TTYH1: variants seen among roughly 807,000 people sequenced by gnomAD.
The protein encoded by TTYH1 is tweety family member 1, also known as protein tweety homolog 1.
A neutral mutation model predicts 61.2 loss-of-function variants in TTYH1; 33 were observed. The ratio of observed to expected loss-of-function variants is 0.54; its 90% CI spans 0.41 to 0.72. The LOEUF is 0.72. Ranked by LOEUF, TTYH1 falls within the 30% of genes least tolerant of loss-of-function variation. The probability of loss-of-function intolerance (pLI) is 0.00; values close to 1 mark genes in which losing one functional copy is unlikely to be tolerated. For synonymous variants in TTYH1, 308 were observed against 266.4 expected, an observed-to-expected ratio of 1.16 and a Z score of -1.52; for missense variants, 538 against 575.8, an observed-to-expected ratio of 0.93 and a Z score of 0.67.
chr19:54,427,919 G>C (rs543370489), intron 5 of TTYH1, among the ~76,000 whole-genome samples: 2 of 151,950 alleles, frequency 1.3e-5, no homozygotes, highest in South Asian at 4.1e-4. Flanking sequence ...TTTTATTTCT[G>C]TTTTTTATTT....
chr19:54,432,998 GCTGA>G (rs1311223425), intron 10 of TTYH1: 2 of 152,222 alleles, frequency 1.3e-5, no homozygotes, highest in African/African-American at 4.8e-5. Context: ...GCTCAGAATT[GCTGA>G]CTATTGAGCT....
At chr19:54,417,531 A>G (rs1227883676) in intron 1 of TTYH1, among the ~76,000 whole-genome samples, 1 of 151,218 alleles carries the variant, frequency 6.6e-6, no homozygotes, top group African/African-American at 2.4e-5. Flanking sequence ...CACATACACA[A>G]TCACACATAT....
rs900051327 is a variant in TTYH1 at position 54,420,011 on chromosome 19, C to T, written c.305+705C>T. ...CAGGCCCAGTTTCCAAAGAGGAAGG[C>T]TCAGGGACAGAGGGGAGGTCACCTT... is the stretch of plus-strand genomic sequence containing the variant. On this transcript the variant is annotated intron_variant, in intron 2 of 13. Coordinates refer to ENST00000376530, the MANE Select transcript of TTYH1 (RefSeq NM_020659.4). This position sits in a 1 kb window ranked among gnomAD's most constrained non-coding sequence, Gnocchi z 4.8. Among the ~76,000 whole-genome samples the T allele has an allele frequency of 8.5e-5, 13 of 152,126 alleles. No homozygotes were observed. The highest frequency in any genetic ancestry group is 3.3e-4 in the Admixed American group (5 of 15,268).
Position 54,430,884 on chromosome 19 carries a change from G to A in TTYH1, c.1011G>A (p.Val337=). 1 of 1,613,420 alleles carries A rather than the reference G, an allele frequency of 6.2e-7. No homozygotes were observed. Residue 337 remains valine, a synonymous_variant, in exon 9 of 14, where the codon GTG becomes GTA. Transcript: ENST00000376530. ...SQLLGLEREA[V]PQFPSAQKPL... is the part of the protein sequence containing the mutation. ...TGCTGGGCCTGGAGCGAGAAGCTGT[G>A]CCTCAGTTCCCTTCAGCGCAGGTCG... is the stretch of plus-strand genomic sequence containing the variant.
chr19:54,422,129 C>T, intron 3 of TTYH1, 61 bp from the exon 4 acceptor site: 1 of 1,416,692 alleles, frequency 7.1e-7, no homozygotes, highest in Non-Finnish European at 9.6e-7. Flanking sequence ...AAACCCCATG[C>T]CTCGACCGCG....
rs113818416 is a variant in TTYH1, at chr19:54,431,071, G to A, written c.1033-28G>A. On this transcript the variant is annotated intron_variant, in intron 9 of 13. Transcript: ENST00000376530. Reference sequence around the variant, plus strand: ...CGATGGGCGGGCCTGAAGAGTTCGTGGGAAAACGACCCCTCCTCGCCCCGC... The same window carrying A: ...CGATGGGCGGGCCTGAAGAGTTCGTAGGAAAACGACCCCTCCTCGCCCCGC... 1.8e-3 allele frequency: 2,843 copies of A among 1,583,298 alleles called. 48 individuals carry two copies. The African/African-American group carries it at 0.034, about 19-fold the overall frequency.
intron 4 of TTYH1, 144 bp from the exon 5 acceptor site, chr19:54,426,529 A>G (rs1313884585): frequency 2.9e-5 from 20 of 699,428 alleles, no homozygotes; most frequent in Admixed American, 1.8e-4. Context: ...GCCCAGACAC[A>G]GTAAACAGCA....
chr19:54,419,100 G>A lies in TTYH1; in HGVS notation c.127-28G>A, dbSNP rs765260494. 8.2e-6 allele frequency: 13 copies of A among 1,589,710 alleles called. No individual in the cohort carries two copies. The highest frequency in any genetic ancestry group is 4.5e-5 in the East Asian group (2 of 44,586). On this transcript the variant is annotated intron_variant, in intron 1 of 13. Transcript: ENST00000376530. The surrounding 1 kb of genome is among the most constrained non-coding windows in gnomAD (Gnocchi z 6.1). ...GAGTGTGGAACACACGGGTGCCCTCGGAGGTCTGATGTCACCCCCTTCCCC... is the reference window on the plus strand; with the variant it reads ...GAGTGTGGAACACACGGGTGCCCTCAGAGGTCTGATGTCACCCCCTTCCCC...
rs747276762 is a variant in TTYH1 at position 54,436,343 on chromosome 19, G to A, written c.*53G>A. The A allele has an allele frequency of 2.0e-5, 32 of 1,614,042 alleles. No homozygotes were observed. Among genetic ancestry groups the A allele is most frequent in the African/African-American group, 4.0e-5 (3 of 74,930 alleles). On this transcript the variant is annotated 3_prime_UTR_variant, in exon 14 of 14. Coordinates refer to ENST00000376530, the MANE Select transcript of TTYH1 (RefSeq NM_020659.4). This position sits in a 1 kb window ranked among gnomAD's most constrained non-coding sequence, Gnocchi z 4.3. ...TCCCTCTCTCCGCAGTTCCTTCCCT[G>A]GCTGCCGGAGGAGACCCCACTAACC...
rs748453363 is a variant in TTYH1 at position 54,429,838 on chromosome 19, G to A, written c.808-44G>A. On this transcript the variant is annotated intron_variant, in intron 6 of 13. Transcript: ENST00000376530. This position sits in a 1 kb window ranked among gnomAD's most constrained non-coding sequence, Gnocchi z 5.1. ...CTGGGTGCTGTGGGAGTGTGGAATC[G>A]GGGCAGTTTTGGGTTTGAGCCCCTT... The A allele has an allele frequency of 1.1e-5, 18 of 1,570,648 alleles. No homozygotes were observed. Among genetic ancestry groups the A allele is most frequent in the Middle Eastern group, 1.7e-4 (1 of 5,968 alleles).
In TTYH1 at chr19:54,418,840, C is replaced by T. The variant is rs73936541; in HGVS notation, c.127-288C>T. On this transcript the variant is annotated intron_variant, in intron 1 of 13. Transcript: ENST00000376530. ...AGGAAACCCAGGCTCGGAGAAGGGG[C>T]GGTTCCTGCTAAAGATTGCACAGCC... The T allele has an allele frequency of 8.9e-3, 3,315 of 371,044 alleles. 110 individuals carry two copies. The highest frequency in any genetic ancestry group is 0.062 in the African/African-American group (2,976 of 48,052). The allele number at this position is 371,044 out of a possible 1,614,324, so 23.0% of individuals were successfully genotyped here.
rs191643169 is a variant in TTYH1 at position 54,415,789 on chromosome 19, G to T, written c.126+111G>T. On this transcript the variant is annotated intron_variant, in intron 1 of 13. Coordinates refer to ENST00000376530, the MANE Select transcript of TTYH1 (RefSeq NM_020659.4). The surrounding 1 kb of genome is among the most constrained non-coding windows in gnomAD (Gnocchi z 5.2). ...TTCCTGAGCTCCGCCGGAGGCTGGG[G>T]GCCGGCCCGGACTTTGGGGTTTCGG... 3.1e-3 allele frequency: 3,847 copies of T among 1,242,390 alleles called. 42 individuals carry two copies. The Middle Eastern group carries it at 0.039, about 13-fold the overall frequency. The allele number at this position is 1,242,390 out of a possible 1,614,324, so 77.0% of individuals were successfully genotyped here.
In TTYH1 at chr19:54,429,298, C is replaced by T. The variant is rs1569263549; in HGVS notation, c.735-9C>T. 6.2e-7 allele frequency: 1 copy of T among 1,613,958 alleles called. No individual in the cohort carries two copies. The highest frequency in any genetic ancestry group is 1.1e-5 in the South Asian group (1 of 91,074). On this transcript the variant is annotated splice_polypyrimidine_tract_variant and intron_variant, in intron 5 of 13. Transcript: ENST00000376530. This position sits in a 1 kb window ranked among gnomAD's most constrained non-coding sequence, Gnocchi z 5.1. ...GAACCCCGGGCTGATCCTCCCTCCC[C>T]CACTCTAGGATGACAGTCATGAGTC...
In TTYH1 at chr19:54,436,060, C is replaced by A; in HGVS notation, c.1315-31C>A. On this transcript the variant is annotated intron_variant, in intron 12 of 13. Transcript: ENST00000376530. The surrounding 1 kb of genome is among the most constrained non-coding windows in gnomAD (Gnocchi z 4.3). ...AAGCCAATTCCCACTCCATTCCCTC[C>A]TCTCCCCCGCTACCCCGAATCTCCT... 6.2e-7 allele frequency: 1 copy of A among 1,611,162 alleles called. No homozygotes were observed. Among genetic ancestry groups the A allele is most frequent in the Non-Finnish European group, 8.5e-7 (1 of 1,177,568 alleles).
Position 54,419,346 on chromosome 19 carries a change from CTCCCCAAGCT to C in TTYH1, c.305+41_305+50del. ...GGGTGGGTGGGCGGTGGGGACAGGG[CTCCCCAAGCT>C]CTTTGCTGGCCTTCCTGGGGGTGTC... On this transcript the variant is annotated intron_variant, in intron 2 of 13. Coordinates refer to ENST00000376530, the MANE Select transcript of TTYH1 (RefSeq NM_020659.4). The surrounding 1 kb of genome is among the most constrained non-coding windows in gnomAD (Gnocchi z 6.1). 6 of 1,561,548 alleles carry C rather than the reference CTCCCCAAGCT, an allele frequency of 3.8e-6. No homozygotes were observed. In the Middle Eastern group the frequency reaches 9.3e-4, roughly 243 times the overall value.
chr19:54,417,540 A>G (rs1335589276), intron 1 of TTYH1, among the ~76,000 whole-genome samples: 1 of 145,210 alleles, frequency 6.9e-6, no homozygotes, highest in African/African-American at 2.7e-5. Flanking sequence ...AATCACACAT[A>G]TGCACACGCA....
In TTYH1 at chr19:54,419,891, A is replaced by G. The variant is rs549149272; in HGVS notation, c.305+585A>G. On this transcript the variant is annotated intron_variant, in intron 2 of 13. Coordinates refer to ENST00000376530, the MANE Select transcript of TTYH1 (RefSeq NM_020659.4). The surrounding 1 kb of genome is among the most constrained non-coding windows in gnomAD (Gnocchi z 6.1). Reference sequence around the variant, plus strand: ...TTCTAATCAGGGAGACGGACGATAAATAGATATAATCACCCTCCAAGAGCA... The same window carrying G: ...TTCTAATCAGGGAGACGGACGATAAGTAGATATAATCACCCTCCAAGAGCA... Among the ~76,000 whole-genome samples the G allele has an allele frequency of 1.3e-5, 2 of 152,282 alleles. No homozygotes were observed. Among genetic ancestry groups the G allele is most frequent in the South Asian group, 4.1e-4 (2 of 4,822 alleles).
At chr19:54,428,378 C>T (rs2083372035) in intron 5 of TTYH1, among the ~76,000 whole-genome samples, 3 of 151,960 alleles carry the variant, frequency 2.0e-5, no homozygotes. Context: ...CATGAGCCAC[C>T]GTGCCTGGCC....
chr19:54,426,432 T>C (rs2083320706), intron 4 of TTYH1: 5 of 570,896 alleles, frequency 8.8e-6, no homozygotes, highest in South Asian at 4.6e-5. Context: ...GGCCAGGGGA[T>C]AGTCCCAGGT....
Sources: gnomAD v4.1 joint callset for allele counts (sites outside exome capture counted in the v4.1 genomes callset) on GRCh38, gnomAD v4.1.1 for gene constraint, Gnocchi (gnomAD v3.1) non-coding constraint, MANE v1.5 for transcripts, NCBI Gene and HGNC (gene_info 2026-07-23, HGNC 2026-07-21) for gene names.